Variants in TMEM26 observed in about 807,000 individuals in gnomAD.
TMEM26 encodes transmembrane protein 26.
In TMEM26, 38 loss-of-function variants were observed where a neutral mutation model predicts 28.8. That is an observed-to-expected ratio of 1.32 (90% confidence interval 1.02 to 1.73). The LOEUF is 1.73. Among genes scored for constraint, TMEM26 ranks in the 40% most tolerant of loss-of-function variants. The pLI, the probability that TMEM26 is intolerant of heterozygous loss-of-function variation, is 0.00. For synonymous variants in TMEM26, 227 were observed against 182.9 expected (o/e 1.24, Z -1.95); for missense variants, 518 against 447.1 (o/e 1.16, Z -1.43).
chr10:61,412,055 G>A (rs1028933627), intron 5 of TMEM26, among the ~76,000 whole-genome samples: 1 of 152,150 alleles, frequency 6.6e-6, no homozygotes, highest in Admixed American at 6.6e-5. Context: ...TCGGCAGAGT[G>A]AAAGACAAAA....
chr10:61,441,350 T>G (rs1840089585), intron 1 of TMEM26, among the ~76,000 whole-genome samples: 1 of 152,248 alleles, frequency 6.6e-6, no homozygotes, highest in Non-Finnish European at 1.5e-5. Context: ...AGAAGAAAAC[T>G]AATTTTATAT....
rs1343907986 is a variant in TMEM26 at position 61,443,268 on chromosome 10, C to T, written c.192-7020G>A. Among the ~76,000 whole-genome samples, 5 of 147,090 alleles carry T rather than the reference C, an allele frequency of 3.4e-5. No homozygotes were observed. The East Asian group carries it at 6.0e-4, about 18-fold the overall frequency. The stretch of plus-strand genomic sequence containing the variant: ...GAGATCGAGACCATCCTGGCTAACA[C>T]GGTGAAACCTGTCTCTACTAAAAAT... On this transcript the variant is annotated intron_variant, in intron 1 of 5. Transcript: ENST00000399298.
chr10:61,414,314 T>C (rs985577896), intron 4 of TMEM26: 2 of 152,638 alleles, frequency 1.3e-5, no homozygotes, highest in Non-Finnish European at 2.9e-5. Context: ...TTAGCAAAGA[T>C]AGAAAGGAAG....
At chr10:61,432,663 A>C (rs1417557554) in intron 2 of TMEM26, among the ~76,000 whole-genome samples, 1 of 152,148 alleles carries the variant, frequency 6.6e-6, no homozygotes, top group Non-Finnish European at 1.5e-5. Flanking sequence ...TTTTAAAAAA[A>C]ATTAAAGCTG....
Position 61,452,936 on chromosome 10 carries a change from TC to T in TMEM26, c.145del (p.Glu49ArgfsTer25). 1.2e-6 allele frequency: 2 copies of T among 1,614,002 alleles called. No homozygotes were observed. Among genetic ancestry groups the T allele is most frequent in the Non-Finnish European group, 1.7e-6 (2 of 1,179,994 alleles). ...LALLNLLLFL[E>X]TALTLKFKRG... ...CTTGAACTTGAGGGTGAGCGCAGTC[TC>T]CAGGAAGAGCAAGAGGTTGAGCAGC... On this transcript the variant is annotated frameshift_variant, in exon 1 of 6. Coordinates refer to ENST00000399298, the MANE Select transcript of TMEM26 (RefSeq NM_178505.8). LOFTEE classifies it high-confidence loss of function.
rs1840000183 is a variant in TMEM26, at chr10:61,436,037, G to T, written c.270+133C>A. On this transcript the variant is annotated intron_variant, in intron 2 of 5. Transcript: ENST00000399298. ...AATCATGGATTCACTTCCTTTTGCT[G>T]ATAGCCTCTTATTTATTCAATTCTT... 3 of 443,160 alleles carry T rather than the reference G, an allele frequency of 6.8e-6. No individual in the cohort carries two copies. The South Asian group carries it at 2.2e-4, about 33-fold the overall frequency. 27.5% of individuals were successfully genotyped at this position (443,160 alleles called of 1,614,324 possible).
intron 1 of TMEM26, among the ~76,000 whole-genome samples, chr10:61,436,853 G>A (rs1400045616): frequency 6.6e-6 from 1 of 152,168 alleles, no homozygotes; most frequent in Non-Finnish European, 1.5e-5. Context: ...TATATTCACT[G>A]TTTTCTCATT....
chr10:61,412,259 T>G (rs1486623806), intron 5 of TMEM26, among the ~76,000 whole-genome samples: 1 of 152,138 alleles, frequency 6.6e-6, no homozygotes, highest in Non-Finnish European at 1.5e-5. Context: ...TGTGTGTGTG[T>G]GTGTGTGTTA....
chr10:61,436,212 G>T lies in TMEM26; in HGVS notation c.228C>A (p.Ile76=), dbSNP rs780579812. Residue 76 remains isoleucine, a synonymous_variant, in exon 2 of 6, where the codon ATC becomes ATA. Coordinates refer to ENST00000399298, the MANE Select transcript of TMEM26 (RefSeq NM_178505.8). ...SPAIFLYLIS[I]VPSLWLLELH... is the part of the protein sequence containing the mutation. ...ATTCAAGAAGCCATAATGATGGAACGATGCTAATCAGATATAAAAATATGG... is the reference window on the plus strand; with the variant it reads ...ATTCAAGAAGCCATAATGATGGAACTATGCTAATCAGATATAAAAATATGG... 1 of 1,607,368 alleles carries T rather than the reference G, an allele frequency of 6.2e-7. No homozygotes were observed.
intron 1 of TMEM26, among the ~76,000 whole-genome samples, chr10:61,451,305 G>T (rs549712567): frequency 2.0e-5 from 3 of 152,144 alleles, no homozygotes; most frequent in Non-Finnish European, 4.4e-5. Flanking sequence ...GACTTAATGC[G>T]AGTTAAGGCC....
At chr10:61,413,318 C>A (rs1839598212) in intron 5 of TMEM26, 141 bp downstream of exon 5, 3 of 1,404,938 alleles carry the variant, frequency 2.1e-6, no homozygotes, top group African/African-American at 1.5e-5. Context: ...AAGTTTCAAT[C>A]TACTTTCCTT....
At chr10:61,431,413 A>G in intron 2 of TMEM26, 81 bp from the exon 3 acceptor site, 1 of 997,174 alleles carries the variant, frequency 1.0e-6, no homozygotes, top group Non-Finnish European at 1.6e-6. Flanking sequence ...AAATCTGTTC[A>G]AGAGATTATG....
chr10:61,452,271 C>A (rs1840298004), intron 1 of TMEM26, among the ~76,000 whole-genome samples: 1 of 152,232 alleles, frequency 6.6e-6, no homozygotes, highest in Non-Finnish European at 1.5e-5. Context: ...CCGTTCCTTG[C>A]AAGATAGGCA....
chr10:61,452,712 G>C, intron 1 of TMEM26, 179 bp downstream of exon 1: 1 of 679,736 alleles, frequency 1.5e-6, no homozygotes, highest in South Asian at 1.9e-5. Flanking sequence ...GGGACCCTAG[G>C]GTGGCCCTGG....
chr10:61,420,992 C>T (rs1042633645), intron 4 of TMEM26, among the ~76,000 whole-genome samples: 1 of 151,040 alleles, frequency 6.6e-6, no homozygotes, highest in South Asian at 2.1e-4. Flanking sequence ...TTATAACATA[C>T]AAAGATATAA....
chr10:61,442,559 AAT>A (rs550585782), intron 1 of TMEM26, among the ~76,000 whole-genome samples: 69 of 152,270 alleles, frequency 4.5e-4, no homozygotes, highest in African/African-American at 1.5e-3. Flanking sequence ...TTCATTTCTC[AAT>A]ATTTTCTCCT....
chr10:61,435,735 G>A (rs1839994508), intron 2 of TMEM26, among the ~76,000 whole-genome samples: 1 of 152,166 alleles, frequency 6.6e-6, no homozygotes, highest in African/African-American at 2.4e-5. Flanking sequence ...CTACAGATAA[G>A]GGTTTTGTTT....
intron 4 of TMEM26, among the ~76,000 whole-genome samples, chr10:61,419,644 C>A (rs1839710692): frequency 6.6e-6 from 1 of 151,752 alleles, no homozygotes; most frequent in African/African-American, 2.4e-5. Context: ...CTGAAAGACA[C>A]AGAGTAAAAA....
rs1262093292 is a variant in TMEM26 at position 61,408,752 on chromosome 10, T to C, written c.*1570A>G. The C allele has an allele frequency of 6.6e-6, 1 of 152,362 alleles. No individual in the cohort carries two copies. The highest frequency in any genetic ancestry group is 1.9e-4 in the East Asian group (1 of 5,186). 9.4% of individuals were successfully genotyped at this position (152,362 alleles called of 1,614,324 possible). On this transcript the variant is annotated 3_prime_UTR_variant, in exon 6 of 6. Transcript: ENST00000399298. ...TCCATTAGTTCCATGTGTCATTTTA[T>C]AGTCATTATATTGTTAAAATTAGAA...
Sources: allele counts gnomAD v4.1 joint callset (sites outside exome capture counted in the v4.1 genomes callset), GRCh38; gene constraint gnomAD v4.1.1; transcripts MANE v1.5; gene names NCBI Gene and HGNC (gene_info 2026-07-23, HGNC 2026-07-21).